The following ADARB2 variants were observed in gnomAD, a reference collection of about 807,000 sequenced individuals.
ADARB2 encodes adenosine deaminase RNA specific B2 (inactive).
ADARB2 carries 25 observed loss-of-function variants against 62.2 expected under a neutral mutation model. The observed-to-expected ratio is 0.40, with a 90% CI of 0.29 to 0.56. The LOEUF (loss-of-function observed/expected upper bound fraction) is 0.56. Among genes scored for constraint, ADARB2 ranks in the 20% least tolerant of loss-of-function variants. ADARB2 has a pLI of 0.43. For synonymous variants in ADARB2, 572 were observed against 500.8 expected, an observed-to-expected ratio of 1.14 and a Z score of -1.90; for missense variants, 1,071 against 1,077.4, an observed-to-expected ratio of 0.99 and a Z score of 0.08.
In ADARB2 at chr10:1,659,736, C is replaced by T. The variant is rs143070023; in HGVS notation, c.100+77315G>A. On this transcript the variant is annotated intron_variant, in intron 1 of 9. Transcript: ENST00000381312. ...ATCATGCTGCTTCCAGTAGTTCCTC[C>T]GCCTGCCTTCCCTCCTCTCCTCCAG... is the stretch of plus-strand genomic sequence containing the variant. Among the ~76,000 whole-genome samples, 22 of 152,180 alleles carry T rather than the reference C, an allele frequency of 1.4e-4. No individual in the cohort carries two copies. The East Asian group carries it at 2.9e-3, about 20-fold the overall frequency.
chr10:1,606,074 A>G (rs1441554700), intron 1 of ADARB2, among the ~76,000 whole-genome samples: 2 of 152,170 alleles, frequency 1.3e-5, no homozygotes, highest in Admixed American at 1.3e-4. Flanking sequence ...TTCACGTGAA[A>G]ATTACACGCA....
chr10:1,399,042 A>G (rs1014277051), intron 1 of ADARB2, among the ~76,000 whole-genome samples: 2 of 152,210 alleles, frequency 1.3e-5, no homozygotes, highest in African/African-American at 4.8e-5. Context: ...TCACTGAATG[A>G]GTAAATGAAT....
At chr10:1,574,045 T>C (rs1354144577) in intron 1 of ADARB2, among the ~76,000 whole-genome samples, 1 of 152,234 alleles carries the variant, frequency 6.6e-6, no homozygotes, top group African/African-American at 2.4e-5. Flanking sequence ...TCAAAGTGTC[T>C]TATATCTGAA....
At chr10:1,432,476 G>T (rs1001054968) in intron 1 of ADARB2, among the ~76,000 whole-genome samples, 2 of 151,246 alleles carry the variant, frequency 1.3e-5, no homozygotes, top group African/African-American at 4.9e-5. Flanking sequence ...TGAAGTCTCA[G>T]CCCGTGACTG....
intron 1 of ADARB2, among the ~76,000 whole-genome samples, chr10:1,404,733 C>T (rs956318455): frequency 6.6e-6 from 1 of 152,194 alleles, no homozygotes; most frequent in Non-Finnish European, 1.5e-5. Context: ...GACCGGCCAA[C>T]AGTGACATTC....
In ADARB2 at chr10:1,481,457, T is replaced by G. The variant is rs1194346981; in HGVS notation, c.101-102297A>C. Among the ~76,000 whole-genome samples the G allele has an allele frequency of 1.3e-4, 20 of 152,206 alleles. 1 individual carries two copies. On this transcript the variant is annotated intron_variant, in intron 1 of 9. Transcript: ENST00000381312. ...GAAAGAAGAAGTAGATAAATTCTAC[T>G]TCACATTTAAAAGCTTTTATTCCTC...
intron 6 of ADARB2, among the ~76,000 whole-genome samples, chr10:1,227,184 G>C (rs536045577): frequency 6.6e-6 from 1 of 152,208 alleles, no homozygotes; most frequent in East Asian, 1.9e-4. Context: ...GCGAGACTCC[G>C]TGGGTGTAGG....
chr10:1,520,499 A>G (rs1464551769), intron 1 of ADARB2, among the ~76,000 whole-genome samples: 1 of 152,246 alleles, frequency 6.6e-6, no homozygotes, highest in South Asian at 2.1e-4. Flanking sequence ...TTAGGGAAGA[A>G]AGAACAATGA....
chr10:1,378,508 G>A (rs1475091149), intron 2 of ADARB2, among the ~76,000 whole-genome samples: 1 of 152,194 alleles, frequency 6.6e-6, no homozygotes, highest in African/African-American at 2.4e-5. Flanking sequence ...CTGCCCTTTA[G>A]GTAAGGAAGG....
chr10:1,287,579 C>A (rs1047063588), intron 3 of ADARB2, among the ~76,000 whole-genome samples: 6 of 152,162 alleles, frequency 3.9e-5, no homozygotes, highest in South Asian at 2.1e-4. Context: ...GTTCTGCAGC[C>A]ATGCACATAG....
chr10:1,642,229 A>G (rs1427127763), intron 1 of ADARB2, among the ~76,000 whole-genome samples: 1 of 147,658 alleles, frequency 6.8e-6, no homozygotes, highest in Non-Finnish European at 1.5e-5. Flanking sequence ...GATTTTGGCT[A>G]CCTTATATCA....
intron 1 of ADARB2, among the ~76,000 whole-genome samples, chr10:1,714,598 T>C (rs1246538940): frequency 6.6e-6 from 1 of 152,236 alleles, no homozygotes; most frequent in Non-Finnish European, 1.5e-5. Flanking sequence ...CTTATGTTTC[T>C]TATTTAAGTA....
chr10:1,591,454 G>A lies in ADARB2; in HGVS notation c.100+145597C>T, dbSNP rs918222645. On this transcript the variant is annotated intron_variant, in intron 1 of 9. Transcript: ENST00000381312. ...GCGAATGCCTGGACCCAAAGGCATC[G>A]AGACAGTGGGGCTGCATTTGGGGGC... Among the ~76,000 whole-genome samples, 12 of 152,180 alleles carry A rather than the reference G, an allele frequency of 7.9e-5. No individual in the cohort carries two copies. The East Asian group carries it at 1.3e-3, about 17-fold the overall frequency.
intron 1 of ADARB2, among the ~76,000 whole-genome samples, chr10:1,625,796 C>T (rs1833758176): frequency 6.6e-6 from 1 of 152,204 alleles, no homozygotes; most frequent in African/African-American, 2.4e-5. Context: ...CACCCTTCTC[C>T]TGCTGAGCTG....
At chr10:1,306,163 T>C (rs1013292170) in intron 3 of ADARB2, among the ~76,000 whole-genome samples, 5 of 150,190 alleles carry the variant, frequency 3.3e-5, no homozygotes, top group Admixed American at 6.6e-5. Flanking sequence ...GAAAACCCCA[T>C]TGTCTCAGCC....
In ADARB2 at chr10:1,710,542, C is replaced by T. The variant is rs1052131974; in HGVS notation, c.100+26509G>A. On this transcript the variant is annotated intron_variant, in intron 1 of 9. Transcript: ENST00000381312. ...GCCTGCACTTGGGTGCTGGGGGCACCTTCCCCTCCTTCCCACTGTCCTTGC... is the reference window on the plus strand; with the variant it reads ...GCCTGCACTTGGGTGCTGGGGGCACTTTCCCCTCCTTCCCACTGTCCTTGC... Among the ~76,000 whole-genome samples the T allele has an allele frequency of 5.9e-5, 9 of 152,358 alleles. No homozygotes were observed. The South Asian group carries it at 1.2e-3, about 21-fold the overall frequency.
intron 1 of ADARB2, among the ~76,000 whole-genome samples, chr10:1,564,560 A>G (rs1464530497): frequency 6.6e-6 from 1 of 152,180 alleles, no homozygotes; most frequent in Non-Finnish European, 1.5e-5. Context: ...AAACAAATTT[A>G]CAAGAAAAAA....
intron 1 of ADARB2, among the ~76,000 whole-genome samples, chr10:1,468,943 G>C (rs1432488154): frequency 6.6e-6 from 1 of 152,212 alleles, no homozygotes; most frequent in African/African-American, 2.4e-5. Flanking sequence ...GAACACTGCA[G>C]CTTAGAACGT....
intron 1 of ADARB2, among the ~76,000 whole-genome samples, chr10:1,546,853 G>A (rs758622640): frequency 1.2e-4 from 19 of 152,230 alleles, no homozygotes; most frequent in Non-Finnish European, 1.8e-4. Context: ...TGCATCCATC[G>A]GCTAATGCCA....
Sources: gnomAD v4.1 joint callset for allele counts (sites outside exome capture counted in the v4.1 genomes callset) on GRCh38, gnomAD v4.1.1 for gene constraint, MANE v1.5 for transcripts, NCBI Gene and HGNC (gene_info 2026-07-23, HGNC 2026-07-21) for gene names.